SETBP1: variants seen among roughly 807,000 people sequenced by gnomAD.
The protein encoded by SETBP1 is SET binding protein 1.
A neutral mutation model predicts 101.0 loss-of-function variants in SETBP1; 9 were observed. The ratio of observed to expected loss-of-function variants is 0.09; its 90% CI spans 0.05 to 0.16. The LOEUF (loss-of-function observed/expected upper bound fraction) is 0.16. SETBP1 is among the 10% of genes least tolerant of loss of function. SETBP1 has a pLI of 1.00. For synonymous variants in SETBP1, 818 were observed against 788.5 expected, an observed-to-expected ratio of 1.04 and a Z score of -0.63; for missense variants, 1,858 against 2,033.8, an observed-to-expected ratio of 0.91 and a Z score of 1.66.
intron 2 of SETBP1, among the ~76,000 whole-genome samples, chr18:44,860,143 G>A (rs2068970951): frequency 1.3e-5 from 2 of 152,202 alleles, no homozygotes; most frequent in Admixed American, 1.3e-4. Flanking sequence ...CATCTGGTCA[G>A]TTCTAAGCAG....
At chr18:44,934,269 C>T (rs1450831713) in intron 3 of SETBP1, among the ~76,000 whole-genome samples, 2 of 152,116 alleles carry the variant, frequency 1.3e-5, no homozygotes, top group African/African-American at 2.4e-5. Flanking sequence ...CTGCCTCAGC[C>T]TCCCAAGTAG....
chr18:44,684,414 T>C (rs1457695155), intron 1 of SETBP1, among the ~76,000 whole-genome samples: 1 of 152,136 alleles, frequency 6.6e-6, no homozygotes, highest in African/African-American at 2.4e-5. Context: ...TCGTTTTCCC[T>C]TTTTACCGAA....
chr18:44,698,359 A>G (rs1419401937), intron 1 of SETBP1, among the ~76,000 whole-genome samples: 1 of 152,122 alleles, frequency 6.6e-6, no homozygotes, highest in Non-Finnish European at 1.5e-5. Context: ...ATGGCTTCCC[A>G]TTACCTGTAA....
At chr18:44,918,875 G>A (rs1307709488) in intron 3 of SETBP1, among the ~76,000 whole-genome samples, 4 of 152,212 alleles carry the variant, frequency 2.6e-5, no homozygotes, top group Non-Finnish European at 5.9e-5. Flanking sequence ...CAGAACTGTA[G>A]GGGAAACTCC....
intron 2 of SETBP1, among the ~76,000 whole-genome samples, chr18:44,855,102 C>G (rs778804054): frequency 1.3e-5 from 2 of 152,172 alleles, no homozygotes; most frequent in Non-Finnish European, 2.9e-5. Context: ...CTTCCCTGAT[C>G]AGCTTATTTA....
chr18:44,757,283 A>G (rs2070518526), intron 2 of SETBP1, among the ~76,000 whole-genome samples: 1 of 152,232 alleles, frequency 6.6e-6, no homozygotes, highest in Non-Finnish European at 1.5e-5. Flanking sequence ...TGAAAAATGT[A>G]TGATCTGAAT....
chr18:44,711,705 T>A (rs2069350028), intron 2 of SETBP1, among the ~76,000 whole-genome samples: 1 of 10,472 alleles, frequency 9.5e-5, no homozygotes, highest in South Asian at 3.2e-3. Flanking sequence ...TATCTTTAAA[T>A]TTTTTTTTTT....
At chr18:44,848,797 C>T (rs927624644) in intron 2 of SETBP1, among the ~76,000 whole-genome samples, 2 of 152,156 alleles carry the variant, frequency 1.3e-5, no homozygotes, top group Non-Finnish European at 2.9e-5. Flanking sequence ...TCCCCATGGA[C>T]GGAAAGAGGC....
intron 2 of SETBP1, among the ~76,000 whole-genome samples, chr18:44,863,111 G>C (rs1486526081): frequency 6.6e-6 from 1 of 152,122 alleles, no homozygotes; most frequent in South Asian, 2.1e-4. Flanking sequence ...CCAATTTCCA[G>C]ATTTCCTTCT....
At chr18:44,703,912 T>C (rs1375398188) in intron 2 of SETBP1, among the ~76,000 whole-genome samples, 1 of 152,230 alleles carries the variant, frequency 6.6e-6, no homozygotes, top group Non-Finnish European at 1.5e-5. Context: ...TATCTTTGTT[T>C]CTGGCCATTG....
intron 2 of SETBP1, among the ~76,000 whole-genome samples, chr18:44,805,904 T>C (rs16978178): frequency 0.13 from 20,253 of 152,144 alleles, 1,950 homozygotes; most frequent in African/African-American, 0.27. Context: ...GGAGCACTAG[T>C]TCATCCAGCC....
chr18:44,868,701 CGGAAGGAAGGGAGGAAGGAAGGAAGGAA>C (rs1436690781), intron 2 of SETBP1, among the ~76,000 whole-genome samples: 4,267 of 112,298 alleles, frequency 0.038, 273 homozygotes, highest in African/African-American at 0.055. Context: ...AGAGAGAGGA[CGGAAGGAAGGGAGGAAGGAAGGAAGGAA>C]GGAAGGAAGG....
At chr18:44,710,554 C>T (rs1223214587) in intron 2 of SETBP1, among the ~76,000 whole-genome samples, 4 of 147,064 alleles carry the variant, frequency 2.7e-5, no homozygotes, top group African/African-American at 1.0e-4. Context: ...CAGGTTGAAG[C>T]AATTCTCCTG....
intron 3 of SETBP1, among the ~76,000 whole-genome samples, chr18:44,928,888 C>G (rs1325202037): frequency 3.9e-5 from 6 of 152,158 alleles, no homozygotes; most frequent in Non-Finnish European, 8.8e-5. Flanking sequence ...GTTGCCTGTT[C>G]ACTCTGATGG....
intron 2 of SETBP1, among the ~76,000 whole-genome samples, chr18:44,864,588 T>C (rs1417920932): frequency 2.0e-5 from 3 of 152,068 alleles, no homozygotes; most frequent in Non-Finnish European, 2.9e-5. Context: ...AGGAATGAGA[T>C]TGGTTTGAGC....
intron 3 of SETBP1, among the ~76,000 whole-genome samples, chr18:44,897,624 G>A (rs535325115): frequency 6.6e-6 from 1 of 152,138 alleles, no homozygotes; most frequent in East Asian, 1.9e-4. Flanking sequence ...GTCTGTGAGA[G>A]GAGAGAAAAT....
chr18:44,985,423 C>G (rs2072210204), intron 4 of SETBP1, among the ~76,000 whole-genome samples: 1 of 152,096 alleles, frequency 6.6e-6, no homozygotes, highest in African/African-American at 2.4e-5. Context: ...TCTTAAGTGG[C>G]CCAGACAACT....
intron 2 of SETBP1, among the ~76,000 whole-genome samples, chr18:44,762,915 T>C (rs2070689094): frequency 1.3e-5 from 2 of 152,366 alleles, no homozygotes; most frequent in East Asian, 3.9e-4. Flanking sequence ...GAGTATTTAT[T>C]TGGTGTAAGG....
chr18:44,845,630 CA>C (rs1230681883), intron 2 of SETBP1, among the ~76,000 whole-genome samples: 5 of 152,232 alleles, frequency 3.3e-5, no homozygotes, highest in African/African-American at 1.2e-4. Flanking sequence ...CCAGCACTGC[CA>C]GGGGGCGTGA....
Sources: gnomAD v4.1 joint callset for allele counts (sites outside exome capture counted in the v4.1 genomes callset) on GRCh38, gnomAD v4.1.1 for gene constraint, MANE v1.5 for transcripts, NCBI Gene and HGNC (gene_info 2026-07-23, HGNC 2026-07-21) for gene names.